TASP1: variants seen among roughly 807,000 people sequenced by gnomAD.
TASP1 encodes taspase 1, also known as threonine aspartase 1.
In TASP1, 16 loss-of-function variants were observed where a neutral mutation model predicts 56.6. The observed-to-expected ratio is 0.28, with a 90% CI of 0.19 to 0.43. The LOEUF is 0.43. Among genes scored for constraint, TASP1 ranks in the 20% least tolerant of loss-of-function variants. The pLI is 1.00. For synonymous variants in TASP1, 179 were observed against 184.2 expected (o/e 0.97, Z 0.23); for missense variants, 393 against 511.6 (o/e 0.77, Z 2.24).
chr20:13,478,608 G>A (rs755461708), intron 11 of TASP1, among the ~76,000 whole-genome samples: 2 of 152,036 alleles, frequency 1.3e-5, no homozygotes, highest in Non-Finnish European at 2.9e-5. Flanking sequence ...GAGAAATTAC[G>A]TAATGGGTAC....
At chr20:13,223,943 C>G in the TASP1 span, among the ~76,000 whole-genome samples, 1 of 151,984 alleles carries the variant, frequency 6.6e-6, no homozygotes, top group African/African-American at 2.4e-5. Flanking sequence ...CCGGGGTTGG[C>G]CTTTTCCGCT....
At chr20:13,512,033 C>A (rs1476034369) in intron 10 of TASP1, among the ~76,000 whole-genome samples, 1 of 152,090 alleles carries the variant, frequency 6.6e-6, no homozygotes, top group Non-Finnish European at 1.5e-5. Flanking sequence ...GGTTCCAAGT[C>A]TCTGCTATTG....
At chr20:13,474,435 C>T (rs992862560) in intron 11 of TASP1, among the ~76,000 whole-genome samples, 2 of 152,170 alleles carry the variant, frequency 1.3e-5, no homozygotes, top group African/African-American at 4.8e-5. Context: ...GGCCTCCAGC[C>T]CCATCCAAGT....
chr20:13,502,869 T>C (rs1054851585), intron 10 of TASP1, among the ~76,000 whole-genome samples: 4 of 152,088 alleles, frequency 2.6e-5, no homozygotes, highest in Non-Finnish European at 5.9e-5. Context: ...CCAGAATAAA[T>C]GCACTGAAGA....
At chr20:13,570,862 T>G (rs2046688428) in intron 6 of TASP1, among the ~76,000 whole-genome samples, 1 of 152,128 alleles carries the variant, frequency 6.6e-6, no homozygotes. Flanking sequence ...CTGATGGCAT[T>G]TTTAGCATTT....
chr20:13,314,494 GA>G, the TASP1 span, among the ~76,000 whole-genome samples: 3 of 150,992 alleles, frequency 2.0e-5, no homozygotes, highest in African/African-American at 7.3e-5. Flanking sequence ...TTGAGAGAGA[GA>G]AAAAAAACCA....
the TASP1 span, among the ~76,000 whole-genome samples, chr20:13,243,652 A>T: frequency 0.25 from 37,538 of 151,884 alleles, 4,708 homozygotes; most frequent in African/African-American, 0.3. Context: ...TAAGCTATGA[A>T]TAAAAAAAAA....
At chr20:13,578,472 A>G (rs1170495672) in intron 6 of TASP1, among the ~76,000 whole-genome samples, 2 of 152,122 alleles carry the variant, frequency 1.3e-5, no homozygotes, top group African/African-American at 4.8e-5. Context: ...CTTCACTTGT[A>G]TAATAGGTAT....
At chr20:13,153,117 A>G in the TASP1 span, among the ~76,000 whole-genome samples, 1 of 152,168 alleles carries the variant, frequency 6.6e-6, no homozygotes, top group South Asian at 2.1e-4. Context: ...GGGGACTTCA[A>G]TGTTTAATCC....
chr20:13,193,699 G>A, the TASP1 span, among the ~76,000 whole-genome samples: 1 of 152,200 alleles, frequency 6.6e-6, no homozygotes, highest in Non-Finnish European at 1.5e-5. Context: ...GTGTCATCAA[G>A]GAGCCAGACT....
chr20:13,544,654 A>T (rs2045742738), intron 8 of TASP1, among the ~76,000 whole-genome samples: 1 of 152,236 alleles, frequency 6.6e-6, no homozygotes, highest in East Asian at 1.9e-4. Flanking sequence ...ATAGCAAAGA[A>T]ATCTCCTTTA....
At chr20:13,264,086 C>A in the TASP1 span, among the ~76,000 whole-genome samples, 16,724 of 152,156 alleles carry the variant, frequency 0.11, 980 homozygotes, top group African/African-American at 0.12. Context: ...CTTTAGCCAT[C>A]ATTATCATCA....
chr20:13,584,591 C>A (rs1490372317), intron 5 of TASP1, among the ~76,000 whole-genome samples: 3 of 152,130 alleles, frequency 2.0e-5, no homozygotes, highest in Non-Finnish European at 4.4e-5. Flanking sequence ...CTAAGTGACA[C>A]ACACAGAGCA....
At chr20:13,398,561 C>CTTTAATAT (rs2041628228) in intron 13 of TASP1, among the ~76,000 whole-genome samples, 1 of 152,172 alleles carries the variant, frequency 6.6e-6, no homozygotes, top group Non-Finnish European at 1.5e-5. Context: ...GAATGCCTTC[C>CTTTAATAT]TTTAATACTA....
At chr20:13,192,414 C>T in the TASP1 span, among the ~76,000 whole-genome samples, 1 of 152,216 alleles carries the variant, frequency 6.6e-6, no homozygotes, top group Non-Finnish European at 1.5e-5. Flanking sequence ...GTGGCAGGTG[C>T]CTGTGGTCCC....
the TASP1 span, among the ~76,000 whole-genome samples, chr20:13,275,031 TAGTC>T: frequency 1.3e-5 from 2 of 152,200 alleles, no homozygotes; most frequent in Admixed American, 6.5e-5. Flanking sequence ...CTGCAGCTGA[TAGTC>T]AGATATCAGA....
intron 13 of TASP1, among the ~76,000 whole-genome samples, chr20:13,413,708 G>A (rs1053826897): frequency 2.6e-5 from 4 of 152,126 alleles, no homozygotes; most frequent in Admixed American, 1.3e-4. Flanking sequence ...AGACCCAAGA[G>A]TGACATTTAA....
intron 10 of TASP1, among the ~76,000 whole-genome samples, 200 bp downstream of exon 10, chr20:13,528,233 A>G (rs1031366318): frequency 1.3e-5 from 2 of 151,212 alleles, no homozygotes; most frequent in African/African-American, 4.8e-5. Context: ...AAAAAAAAAA[A>G]AAAAAAAAAA....
the TASP1 span, chr20:13,270,841 T>G: frequency 1.8e-6 from 2 of 1,138,398 alleles, no homozygotes; most frequent in Non-Finnish European, 1.3e-6. Flanking sequence ...TCACTTTTCT[T>G]CTTAACCCCT....
Sources: allele counts gnomAD v4.1 joint callset (sites outside exome capture counted in the v4.1 genomes callset), GRCh38; gene constraint gnomAD v4.1.1; transcripts MANE v1.5; gene names NCBI Gene and HGNC (gene_info 2026-07-23, HGNC 2026-07-21).